Variants in COPA observed in about 807,000 individuals in gnomAD.
COPA encodes the protein coat protein complex I subunit alpha.
Under a neutral mutation model 158.7 loss-of-function variants are expected in COPA, and 10 were observed. The observed-to-expected ratio is 0.06, with a 90% CI of 0.04 to 0.11. COPA has a LOEUF of 0.11. COPA is among the 10% of genes least tolerant of loss of function. COPA has a pLI of 1.00. For synonymous variants in COPA, 462 were observed against 542.8 expected (o/e 0.85, Z 2.07); for missense variants, 1,065 against 1,536.7 (o/e 0.69, Z 5.13).
At chr1:160,293,493 G>T in intron 25 of COPA, 30 bp from the exon 26 acceptor site, 4 of 1,492,008 alleles carry the variant, frequency 2.7e-6, no homozygotes, top group Non-Finnish European at 3.6e-6. Context: ...TGAGTATTGA[G>T]TAATTTTTTT....
At chr1:160,312,854 C>T (rs1388565854) in intron 10 of COPA, among the ~76,000 whole-genome samples, 1 of 152,216 alleles carries the variant, frequency 6.6e-6, no homozygotes, top group African/African-American at 2.4e-5. Context: ...ACTCATCTGT[C>T]TCTATCTGCC....
intron 7 of COPA, among the ~76,000 whole-genome samples, chr1:160,323,836 T>C (rs903463500): frequency 6.6e-6 from 1 of 152,236 alleles, no homozygotes; most frequent in Non-Finnish European, 1.5e-5. Flanking sequence ...CAAATAATTA[T>C]TAATATCTCC....
chr1:160,333,165 T>C (rs974535592), intron 5 of COPA, among the ~76,000 whole-genome samples: 1 of 152,188 alleles, frequency 6.6e-6, no homozygotes, highest in African/African-American at 2.4e-5. Flanking sequence ...CTCAGGTGAT[T>C]TGCCTGCCTT....
intron 7 of COPA, among the ~76,000 whole-genome samples, chr1:160,325,047 C>T (rs1361477594): frequency 6.6e-6 from 1 of 151,278 alleles, no homozygotes; most frequent in Non-Finnish European, 1.5e-5. Context: ...TTTGGTAGAC[C>T]ACTTAATTTC....
Position 160,332,573 on chromosome 1 carries a change from A to AG in COPA, c.387-17_387-16insC. 1 of 1,558,726 alleles carries AG rather than the reference A, an allele frequency of 6.4e-7. No homozygotes were observed. Among genetic ancestry groups the AG allele is most frequent in the South Asian group, 1.2e-5 (1 of 85,236 alleles). ...TGTTAACACACTGCAAGAAAAAAAA[A>AG]AGACAATACCAAATTAGAGGTGGAA... On this transcript the variant is annotated splice_polypyrimidine_tract_variant and intron_variant, in intron 5 of 32. Transcript: ENST00000241704.
At chr1:160,304,384 A>C (rs1658712740) in intron 17 of COPA, among the ~76,000 whole-genome samples, 1 of 150,712 alleles carries the variant, frequency 6.6e-6, no homozygotes, top group African/African-American at 2.4e-5. Context: ...GCAGTTTCAC[A>C]GCTGGGCGCG....
chr1:160,298,635 A>G (rs1421392100), intron 19 of COPA, among the ~76,000 whole-genome samples: 3 of 152,188 alleles, frequency 2.0e-5, no homozygotes, highest in African/African-American at 7.2e-5. Context: ...TGAGGTTGAC[A>G]AAAATAGAAA....
At chr1:160,291,230 ATGT>A (rs1658219899) in intron 31 of COPA, 102 bp downstream of exon 31, 2 of 1,277,218 alleles carry the variant, frequency 1.6e-6, no homozygotes, top group African/African-American at 3.0e-5. Context: ...TTTTTGTTGA[ATGT>A]TGTTATTTAT....
intron 8 of COPA, chr1:160,317,285 T>C: frequency 1.1e-6 from 1 of 881,342 alleles, no homozygotes; most frequent in Non-Finnish European, 1.9e-6. Flanking sequence ...CGGAAGTTAC[T>C]GCAGCTGCGG....
intron 8 of COPA, among the ~76,000 whole-genome samples, chr1:160,314,986 T>C (rs565404969): frequency 6.6e-6 from 1 of 152,300 alleles, no homozygotes; most frequent in East Asian, 1.9e-4. Flanking sequence ...AACAGTGGTA[T>C]AGAAGCAAGC....
chr1:160,308,339 C>T (rs1377446613), intron 13 of COPA, among the ~76,000 whole-genome samples: 4 of 151,990 alleles, frequency 2.6e-5, no homozygotes, highest in East Asian at 1.9e-4. Context: ...GAGAGGAGAT[C>T]GATTAGCAAC....
chr1:160,295,370 A>G (rs926724164), intron 23 of COPA, among the ~76,000 whole-genome samples: 1 of 152,254 alleles, frequency 6.6e-6, no homozygotes. Flanking sequence ...CTATACCCAC[A>G]TACCGGAATT....
chr1:160,338,135 AG>A (rs1359804968), intron 3 of COPA, among the ~76,000 whole-genome samples: 1 of 152,214 alleles, frequency 6.6e-6, no homozygotes. Context: ...ATTAACACCC[AG>A]TTTTTCCTTT....
Position 160,317,844 on chromosome 1 carries a change from G to A in COPA, c.707-3719C>T, listed in dbSNP as rs1571169187. On this transcript the variant is annotated intron_variant, in intron 8 of 32. Transcript: ENST00000241704. ...AACATCTGGTAATCTGAATTCTAGT[G>A]CTCATTATTCATTATTGTTTATTTT... 3 of 683,510 alleles carry A rather than the reference G, an allele frequency of 4.4e-6. No individual in the cohort carries two copies. The East Asian group carries it at 7.6e-5, about 17-fold the overall frequency. 42.3% of individuals were successfully genotyped at this position (683,510 alleles called of 1,614,324 possible). A position where few individuals can be genotyped will look rare whatever the true frequency, so the allele number is the denominator to read the frequency against.
At chr1:160,294,642 T>G (rs1356406299) in intron 24 of COPA, 49 bp from the exon 25 acceptor site, 2 of 1,608,142 alleles carry the variant, frequency 1.2e-6, no homozygotes, top group South Asian at 1.1e-5. Context: ...TGGCATAATC[T>G]TAGCCAAAGG....
intron 3 of COPA, 50 bp downstream of exon 3, chr1:160,339,859 C>G: frequency 6.5e-7 from 1 of 1,546,080 alleles, no homozygotes; most frequent in Non-Finnish European, 8.9e-7. Flanking sequence ...ATTCCCAAAC[C>G]TTCCCACATC....
intron 8 of COPA, among the ~76,000 whole-genome samples, chr1:160,323,229 TA>T (rs1294369370): frequency 6.6e-6 from 1 of 152,098 alleles, no homozygotes; most frequent in Non-Finnish European, 1.5e-5. Context: ...AGAATATAAA[TA>T]TATTTATTAC....
At chr1:160,291,736 G>A in intron 30 of COPA, 83 bp downstream of exon 30, 1 of 1,406,896 alleles carries the variant, frequency 7.1e-7, no homozygotes, top group Admixed American at 1.9e-5. Flanking sequence ...ACTCAGATCT[G>A]GGTTTGAAAT....
chr1:160,297,237 T>A, intron 21 of COPA, 106 bp downstream of exon 21: 1 of 998,856 alleles, frequency 1.0e-6, no homozygotes, highest in African/African-American at 1.6e-5. Context: ...CCTAAAAAAA[T>A]GCACAATAAA....
Sources: allele counts gnomAD v4.1 joint callset (sites outside exome capture counted in the v4.1 genomes callset), GRCh38; gene constraint gnomAD v4.1.1; transcripts MANE v1.5; gene names NCBI Gene and HGNC (gene_info 2026-07-23, HGNC 2026-07-21).